EPHA6: variants seen among roughly 807,000 people sequenced by gnomAD.
EPHA6 encodes the protein EPH receptor A6, also known as ephrin type-A receptor 6.
A neutral mutation model predicts 112.0 loss-of-function variants in EPHA6; 50 were observed. The ratio of observed to expected loss-of-function variants is 0.45; its 90% CI spans 0.36 to 0.56. EPHA6 has a LOEUF of 0.56. Ranked by LOEUF, EPHA6 falls within the 20% of genes least tolerant of loss-of-function variation. EPHA6 has a pLI of 0.00. For missense variants in EPHA6, 1,280 were observed against 1,417.4 expected (o/e 0.90, Z 1.56); for synonymous variants, 529 against 490.7 (o/e 1.08, Z -1.03).
At position 96,914,015 on chromosome 3, in the gene EPHA6, A is replaced by G. The variant is rs1388956801; in HGVS notation, c.450+47126A>G. Reference sequence around the variant, plus strand: ...TAGTGGAGATATGATCAACAATGTTAAATATGCGCCTAACGATATGAATTT... The same window carrying G: ...TAGTGGAGATATGATCAACAATGTTGAATATGCGCCTAACGATATGAATTT... On this transcript the variant is annotated intron_variant, in intron 2 of 17. Transcript: ENST00000389672. Among the ~76,000 whole-genome samples, 5 of 152,278 alleles carry G rather than the reference A, an allele frequency of 3.3e-5. No homozygotes were observed. The East Asian group carries it at 9.7e-4, about 29-fold the overall frequency.
chr3:97,153,959 A>G (rs2076228866), intron 3 of EPHA6, among the ~76,000 whole-genome samples: 1 of 152,164 alleles, frequency 6.6e-6, no homozygotes, highest in Non-Finnish European at 1.5e-5. Context: ...TGATGTCAGG[A>G]GTTCGAAACC....
At chr3:96,820,966 A>G (rs2033209628) in intron 1 of EPHA6, among the ~76,000 whole-genome samples, 2 of 151,868 alleles carry the variant, frequency 1.3e-5, no homozygotes, top group South Asian at 4.1e-4. Context: ...ACTGTTATTG[A>G]AAACACAAAT....
Position 97,700,693 on chromosome 3 carries a change from C to A in EPHA6, c.2785-19568C>A, listed in dbSNP as rs371853107. On this transcript the variant is annotated intron_variant, in intron 14 of 17. Transcript: ENST00000389672. ...GGGATATGGAGGAAAAAGAAATACA[C>A]CACACACACATACAGTACACATATA... 9.2e-5 allele frequency among the ~76,000 whole-genome samples: 14 copies of A among 152,196 alleles called. No homozygotes were observed. In the South Asian group the frequency reaches 2.7e-3, roughly 29 times the overall value.
rs866747069 is a variant in EPHA6, at chr3:97,259,904, G to A, written c.1606+15617G>A. 1.8e-3 allele frequency among the ~76,000 whole-genome samples: 276 copies of A among 151,558 alleles called. 1 individual carries two copies. Among genetic ancestry groups the A allele is most frequent in the African/African-American group, 6.2e-3 (255 of 41,304 alleles). ...CAACCTCTGCCTCCTGGGTTCAAGC[G>A]ATTCTTCCGCCTCAGCCTCCTCAGT... is the stretch of plus-strand genomic sequence containing the variant. On this transcript the variant is annotated intron_variant, in intron 5 of 17. Transcript: ENST00000389672.
At chr3:97,228,458 T>C (rs1277535718) in intron 4 of EPHA6, among the ~76,000 whole-genome samples, 1 of 152,100 alleles carries the variant, frequency 6.6e-6, no homozygotes, top group Non-Finnish European at 1.5e-5. Flanking sequence ...AATAATGGTC[T>C]CCAACTCCAG....
At chr3:97,642,653 T>G (rs1440070221) in intron 14 of EPHA6, among the ~76,000 whole-genome samples, 1 of 152,196 alleles carries the variant, frequency 6.6e-6, no homozygotes, top group South Asian at 2.1e-4. Flanking sequence ...GCAGAAGTCT[T>G]AGGAGCCGAT....
intron 14 of EPHA6, among the ~76,000 whole-genome samples, chr3:97,640,616 C>CA (rs751425851): frequency 0.016 from 2,083 of 133,868 alleles, 38 homozygotes; most frequent in African/African-American, 0.046. Flanking sequence ...ACTAAAAATA[C>CA]AAAAAAAAAA....
intron 14 of EPHA6, among the ~76,000 whole-genome samples, chr3:97,694,544 C>A (rs533840200): frequency 2.0e-5 from 3 of 152,220 alleles, no homozygotes; most frequent in African/African-American, 7.2e-5. Flanking sequence ...GCCTGTGAGT[C>A]CCTTTCATAT....
intron 5 of EPHA6, among the ~76,000 whole-genome samples, chr3:97,257,834 G>A (rs1693103522): frequency 1.3e-5 from 2 of 151,982 alleles, no homozygotes; most frequent in Non-Finnish European, 2.9e-5. Context: ...TAGTGAATGA[G>A]AATAATGTTT....
intron 3 of EPHA6, among the ~76,000 whole-genome samples, chr3:97,018,326 C>T (rs2044335923): frequency 6.6e-6 from 1 of 151,928 alleles, no homozygotes; most frequent in African/African-American, 2.4e-5. Context: ...GAAATAAAGA[C>T]ACAAGACAAA....
At chr3:97,473,748 C>A (rs1320746525) in intron 7 of EPHA6, among the ~76,000 whole-genome samples, 6 of 151,678 alleles carry the variant, frequency 4.0e-5, no homozygotes, top group African/African-American at 1.5e-4. Flanking sequence ...ACATTCATTC[C>A]CATGATATCG....
chr3:97,333,850 A>G (rs2108833232), intron 5 of EPHA6, among the ~76,000 whole-genome samples: 1 of 152,172 alleles, frequency 6.6e-6, no homozygotes, highest in South Asian at 2.1e-4. Flanking sequence ...ATTGAATAAT[A>G]GTAGCAGAGT....
intron 4 of EPHA6, among the ~76,000 whole-genome samples, chr3:97,236,022 T>A (rs1411809925): frequency 6.6e-6 from 1 of 152,060 alleles, no homozygotes; most frequent in East Asian, 1.9e-4. Flanking sequence ...TTAATATATT[T>A]CATATCCTCT....
intron 3 of EPHA6, among the ~76,000 whole-genome samples, chr3:96,997,461 C>A (rs1008361822): frequency 6.6e-6 from 1 of 151,812 alleles, no homozygotes; most frequent in Non-Finnish European, 1.5e-5. Context: ...TTCACTTGAC[C>A]ATTTAGAGGT....
intron 14 of EPHA6, among the ~76,000 whole-genome samples, chr3:97,642,633 C>A (rs553839872): frequency 6.6e-6 from 1 of 151,972 alleles, no homozygotes; most frequent in South Asian, 2.1e-4. Context: ...TCGAGAACTA[C>A]GTGAAGAATG....
At chr3:97,625,777 T>C (rs1232354690) in intron 13 of EPHA6, among the ~76,000 whole-genome samples, 6 of 151,654 alleles carry the variant, frequency 4.0e-5, no homozygotes, top group African/African-American at 1.2e-4. Context: ...ATGTATACAC[T>C]GAAAAAGAAG....
At chr3:96,870,379 G>T (rs143881072) in intron 2 of EPHA6, among the ~76,000 whole-genome samples, 85 of 152,182 alleles carry the variant, frequency 5.6e-4, no homozygotes, top group African/African-American at 1.9e-3. Flanking sequence ...CGCAGCTTAA[G>T]AAGAAGGAGC....
chr3:97,693,027 C>A (rs896439940), intron 14 of EPHA6, among the ~76,000 whole-genome samples: 6 of 152,114 alleles, frequency 3.9e-5, no homozygotes, highest in African/African-American at 1.2e-4. Flanking sequence ...CGGAGAAGGA[C>A]ACGTGTGGTT....
Position 97,026,103 on chromosome 3 carries a change from C to T in EPHA6, c.1114+38110C>T, listed in dbSNP as rs137880189. On this transcript the variant is annotated intron_variant, in intron 3 of 17. Transcript: ENST00000389672. ...TATTTATGGGTTCTCTATTCTGTCC[C>T]ACTGGTCTATGTGTCTGATTTTTTT... Among the ~76,000 whole-genome samples the T allele has an allele frequency of 3.2e-3, 486 of 149,646 alleles. 5 individuals carry two copies. Among genetic ancestry groups the T allele is most frequent in the African/African-American group, 0.011 (467 of 40,688 alleles).
Sources: allele counts gnomAD v4.1 joint callset (sites outside exome capture counted in the v4.1 genomes callset), GRCh38; gene constraint gnomAD v4.1.1; transcripts MANE v1.5; gene names NCBI Gene and HGNC (gene_info 2026-07-23, HGNC 2026-07-21).